The following ECSIT variants were observed in gnomAD, a reference collection of about 807,000 sequenced individuals.
ECSIT encodes the protein evolutionarily conserved signaling intermediate in Toll pathway, mitochondrial.
ECSIT carries 29 observed loss-of-function variants against 36.8 expected under a neutral mutation model. The ratio of observed to expected loss-of-function variants is 0.79; its 90% CI spans 0.59 to 1.08. The LOEUF (loss-of-function observed/expected upper bound fraction) is 1.08, where lower values mean the gene tolerates loss of function less well. Among genes scored for constraint, ECSIT ranks in the 50% least tolerant of loss-of-function variants. The pLI is 0.00. For synonymous variants in ECSIT, 231 were observed against 234.8 expected, an observed-to-expected ratio of 0.98 and a Z score of 0.15; for missense variants, 542 against 581.0, an observed-to-expected ratio of 0.93 and a Z score of 0.69.
chr19:11,507,374 C>G, intron 7 of ECSIT, 83 bp downstream of exon 7: 1 of 1,136,538 alleles, frequency 8.8e-7, no homozygotes, highest in Non-Finnish European at 1.3e-6. Context: ...CTCCTGGGCT[C>G]AAGTGATCCT....
intron 1 of ECSIT, among the ~76,000 whole-genome samples, chr19:11,526,634 C>G (rs1209100333): frequency 6.6e-6 from 1 of 151,958 alleles, no homozygotes; most frequent in East Asian, 1.9e-4. Flanking sequence ...GCCACCACCT[C>G]AATCTATGAC....
intron 3 of ECSIT, 121 bp from the exon 4 acceptor site, chr19:11,513,400 G>T: frequency 3.3e-6 from 3 of 915,660 alleles, no homozygotes; most frequent in Non-Finnish European, 1.7e-6. Flanking sequence ...GAATCAGAGA[G>T]AATTAGAAAG....
At chr19:11,527,150 C>T (rs1013121457) in intron 1 of ECSIT, among the ~76,000 whole-genome samples, 3 of 151,816 alleles carry the variant, frequency 2.0e-5, no homozygotes, top group Admixed American at 1.3e-4. Flanking sequence ...GGTGAAAGCC[C>T]GTCTGTACTA....
In ECSIT at chr19:11,507,859, G is replaced by GAGAC. The variant is rs1568400925; in HGVS notation, c.797-13_797-10dup. On this transcript the variant is annotated splice_polypyrimidine_tract_variant and intron_variant, in intron 5 of 7. Coordinates refer to ENST00000270517, the MANE Select transcript of ECSIT (RefSeq NM_016581.5). ...ATCGGGACTCTGGATTCCTGGTGTG[G>GAGAC]AGACATACATGCCCTGTGCCCTGCA... The GAGAC allele has an allele frequency of 5.6e-6, 9 of 1,613,668 alleles. No individual in the cohort carries two copies. The highest frequency in any genetic ancestry group is 7.6e-6 in the Non-Finnish European group (9 of 1,179,922).
At chr19:11,514,284 C>A in intron 2 of ECSIT, 63 bp from the exon 3 acceptor site, 2 of 1,468,334 alleles carry the variant, frequency 1.4e-6, no homozygotes, top group Non-Finnish European at 9.0e-7. Context: ...GGCCGCCAGG[C>A]TGGCTCTTTC....
At chr19:11,522,209 G>T in intron 1 of ECSIT, 1 of 541,880 alleles carries the variant, frequency 1.8e-6, no homozygotes, top group Non-Finnish European at 3.3e-6. Context: ...TCGGCATCTG[G>T]CTGCGCTACA....
chr19:11,506,088 A>G lies in ECSIT; in HGVS notation c.*96T>C. 2.0e-6 allele frequency: 3 copies of G among 1,526,048 alleles called. No homozygotes were observed. The highest frequency in any genetic ancestry group is 2.6e-6 in the Non-Finnish European group (3 of 1,137,152). The allele number at this position is 1,526,048 out of a possible 1,614,324, so 94.5% of individuals were successfully genotyped here. ...GAGATGAGGGAAGAGAGCCCCAAGC[A>G]GGAAAACATTGATTTGCTGTACACT... On this transcript the variant is annotated 3_prime_UTR_variant, in exon 8 of 8. Transcript: ENST00000270517.
intron 4 of ECSIT, among the ~76,000 whole-genome samples, chr19:11,511,097 C>T (rs1393736028): frequency 6.6e-6 from 1 of 152,110 alleles, no homozygotes; most frequent in Non-Finnish European, 1.5e-5. Context: ...GCCCCACCTG[C>T]CCACTCGGCT....
At chr19:11,515,313 C>A (rs927991719) in intron 2 of ECSIT, among the ~76,000 whole-genome samples, 9 of 150,926 alleles carry the variant, frequency 6.0e-5, no homozygotes, top group African/African-American at 1.9e-4. Flanking sequence ...CTGTGTTAGT[C>A]AGGATGGTCT....
Position 11,519,486 on chromosome 19 carries a change from T to C in ECSIT, c.-23-293A>G, listed in dbSNP as rs191235345. On this transcript the variant is annotated intron_variant, in intron 1 of 7. Coordinates refer to ENST00000270517, the MANE Select transcript of ECSIT (RefSeq NM_016581.5). The surrounding 1 kb of genome is among the most constrained non-coding windows in gnomAD (Gnocchi z 4.4). Reference sequence around the variant, plus strand: ...CTGGGACTACAGACGCGTGCCACCATGCCCAGCTAATTTGAAAATAGTTTG... The same window carrying C: ...CTGGGACTACAGACGCGTGCCACCACGCCCAGCTAATTTGAAAATAGTTTG... 2.4e-4 allele frequency among the ~76,000 whole-genome samples: 36 copies of C among 152,226 alleles called. No individual in the cohort carries two copies. The highest frequency in any genetic ancestry group is 4.7e-4 in the Non-Finnish European group (32 of 68,012).
intron 4 of ECSIT, 39 bp from the exon 5 acceptor site, chr19:11,508,087 A>G (rs1278940080): frequency 1.9e-6 from 3 of 1,607,516 alleles, no homozygotes; most frequent in Non-Finnish European, 2.6e-6. Flanking sequence ...GTAACCCCCA[A>G]TCCCCTACAG....
chr19:11,508,077 GTAACCCCCAA>G, intron 4 of ECSIT, 29 bp from the exon 5 acceptor site: 1 of 1,613,272 alleles, frequency 6.2e-7, no homozygotes, highest in African/African-American at 1.3e-5. Flanking sequence ...ATATAATCTT[GTAACCCCCAA>G]TCCCCTACAG....
chr19:11,513,037 T>C lies in ECSIT; in HGVS notation c.738+19A>G, dbSNP rs756042629. ...CCTGGCCTGGGGTGGCAGCTGACGC[T>C]GTAGACAAGGGCGGATACCTGGTAG... On this transcript the variant is annotated intron_variant, in intron 4 of 7. Transcript: ENST00000270517. 8.7e-6 allele frequency: 14 copies of C among 1,612,256 alleles called. No homozygotes were observed. Among genetic ancestry groups the C allele is most frequent in the Non-Finnish European group, 1.2e-5 (14 of 1,179,336 alleles).
rs1013086962 is a variant in ECSIT at position 11,529,095 on chromosome 19, G to A, written c.-57C>T. On this transcript the variant is annotated 5_prime_UTR_variant, in exon 1 of 8. Transcript: ENST00000270517. The stretch of plus-strand genomic sequence containing the variant: ...GCGGCCAGCCGCGGACTCCAGGCCA[G>A]CTCTGTCTTGTTGCTGGGCGCTGCC... The A allele has an allele frequency of 6.6e-6, 1 of 152,370 alleles. No individual in the cohort carries two copies. Among genetic ancestry groups the A allele is most frequent in the African/African-American group, 2.4e-5 (1 of 41,472 alleles). 9.4% of individuals were successfully genotyped at this position (152,370 alleles called of 1,614,324 possible).
chr19:11,523,985 A>ATCAT (rs1397433837), intron 1 of ECSIT, among the ~76,000 whole-genome samples: 1 of 152,090 alleles, frequency 6.6e-6, no homozygotes, highest in Non-Finnish European at 1.5e-5. Flanking sequence ...CAGTGGTATG[A>ATCAT]TCATGGCTCA....
chr19:11,509,900 G>A (rs1295159789), intron 4 of ECSIT, among the ~76,000 whole-genome samples: 3 of 150,746 alleles, frequency 2.0e-5, no homozygotes, highest in East Asian at 2.0e-4. Flanking sequence ...ATGGAGTTTC[G>A]CTCTTGTTGC....
chr19:11,517,804 T>C (rs1972027120), intron 2 of ECSIT, among the ~76,000 whole-genome samples: 1 of 152,036 alleles, frequency 6.6e-6, no homozygotes, highest in Non-Finnish European at 1.5e-5. Context: ...CCCACCATCA[T>C]CGTTATTGCT....
Position 11,507,818 on chromosome 19 carries a change from C to T in ECSIT, c.829G>A (p.Ala277Thr). The part of the protein sequence containing the change: ...IQSPDQQAAL[A>T]RHNPARPVFV... ...ACAGGCCGGGCTGGATTGTGGCGGG[C>T]CAGGGCGGCCTGCTGATCGGGACTC... is the stretch of plus-strand genomic sequence containing the variant. The change falls in exon 6 of 8, where the codon GCC becomes ACC. Residue 277 changes from alanine (A) to threonine (T), a missense_variant. Coordinates refer to ENST00000270517, the MANE Select transcript of ECSIT (RefSeq NM_016581.5). 2.5e-6 allele frequency: 4 copies of T among 1,612,848 alleles called. No individual in the cohort carries two copies. Among genetic ancestry groups the T allele is most frequent in the South Asian group, 1.1e-5 (1 of 91,074 alleles).
Sources: gnomAD v4.1 joint callset for allele counts (sites outside exome capture counted in the v4.1 genomes callset) on GRCh38, gnomAD v4.1.1 for gene constraint, Gnocchi (gnomAD v3.1) non-coding constraint, MANE v1.5 for transcripts, NCBI Gene and HGNC (gene_info 2026-07-23, HGNC 2026-07-21) for gene names.